The following SLC30A5 variants were observed in gnomAD, a reference collection of about 807,000 sequenced individuals.
The protein encoded by SLC30A5 is solute carrier family 30 member 5.
In SLC30A5, 33 loss-of-function variants were observed where a neutral mutation model predicts 79.6. The ratio of observed to expected loss-of-function variants is 0.41; its 90% CI spans 0.31 to 0.55. SLC30A5 has a LOEUF of 0.55. Ranked by LOEUF, SLC30A5 falls within the 20% of genes least tolerant of loss-of-function variation. SLC30A5 has a pLI of 0.20. For missense variants in SLC30A5, 788 were observed against 928.1 expected, an observed-to-expected ratio of 0.85 and a Z score of 1.96; for synonymous variants, 299 against 319.7, an observed-to-expected ratio of 0.94 and a Z score of 0.69.
chr5:69,115,167 ATC>A, intron 7 of SLC30A5, 68 bp from the exon 8 acceptor site: 41 of 743,810 alleles, frequency 5.5e-5, no homozygotes, highest in South Asian at 1.3e-4. Context: ...AAAAAAAAAG[ATC>A]ATGTATTTAA....
chr5:69,108,843 T>C (rs963861829), intron 5 of SLC30A5, among the ~76,000 whole-genome samples: 1 of 141,814 alleles, frequency 7.1e-6, no homozygotes, highest in African/African-American at 2.7e-5. Flanking sequence ...AAAAAAAAAA[T>C]TCCAGGGGCT....
chr5:69,111,291 CT>C (rs1210625429), intron 5 of SLC30A5, among the ~76,000 whole-genome samples: 4 of 146,472 alleles, frequency 2.7e-5, no homozygotes, highest in South Asian at 2.2e-4. Flanking sequence ...CACGCCCGGA[CT>C]TTTTTTTTCT....
chr5:69,117,183 C>T lies in SLC30A5; in HGVS notation c.1282-56C>T, dbSNP rs990477773. ...TTGGATAATTAAGGGTTAAAATCCT[C>T]CTAATTGAAACAGTGCCCAACATAC... On this transcript the variant is annotated intron_variant, in intron 10 of 15. Transcript: ENST00000396591. 4 of 1,435,454 alleles carry T rather than the reference C, an allele frequency of 2.8e-6. No homozygotes were observed. The African/African-American group carries it at 5.7e-5, about 20-fold the overall frequency. The allele number at this position is 1,435,454 out of a possible 1,614,324, so 88.9% of individuals were successfully genotyped here. A position where few individuals can be genotyped will look rare whatever the true frequency, so the allele number is the denominator to read the frequency against.
intron 14 of SLC30A5, among the ~76,000 whole-genome samples, chr5:69,126,431 C>T (rs1022315867): frequency 5.9e-5 from 9 of 152,090 alleles, no homozygotes; most frequent in Admixed American, 6.6e-5. Flanking sequence ...TGAGCCACCG[C>T]GCCTGGCCTA....
rs34215592 is a variant in SLC30A5, at chr5:69,116,221, A to AT, written c.1072+9dup. The AT allele has an allele frequency of 0.63, 983,247 of 1,556,340 alleles. 313,960 individuals are homozygous for AT. Among genetic ancestry groups the AT allele is most frequent in the East Asian group, 0.87 (38,242 of 44,008 alleles). The stretch of plus-strand genomic sequence containing the variant: ...GCTATATTCTTCATTTTGTGTAAGC[A>AT]TTCCCCCCTTTTTTTTATTTTAACA... On this transcript the variant is annotated splice_region_variant and intron_variant, in intron 9 of 15. Coordinates refer to ENST00000396591, the MANE Select transcript of SLC30A5 (RefSeq NM_022902.5). This position sits in a 1 kb window ranked among gnomAD's most constrained non-coding sequence, Gnocchi z 4.0.
rs1389113722 is a variant in SLC30A5 at position 69,129,511 on chromosome 5, A to G, written c.2192A>G (p.Tyr731Cys). ...NLTIQVEKEA[Y>C]FQHMSGLSTG... ...ACAATTCAAGTGGAAAAGGAGGCAT[A>G]CTTTCAACATATGTCTGGCCTAAGT... is the stretch of plus-strand genomic sequence containing the variant. The change falls in exon 16 of 16, where the codon TAC (tyrosine) becomes TGC (cysteine). Residue 731 changes from tyrosine to cysteine, a missense_variant. Tyr to Cys is a radical substitution (Grantham distance 194, BLOSUM62 -2). Transcript: ENST00000396591. 1.2e-6 allele frequency: 2 copies of G among 1,613,486 alleles called. No homozygotes were observed. Among genetic ancestry groups the G allele is most frequent in the Non-Finnish European group, 1.7e-6 (2 of 1,179,790 alleles).
intron 14 of SLC30A5, among the ~76,000 whole-genome samples, chr5:69,125,970 A>G (rs1746677749): frequency 1.3e-5 from 2 of 151,916 alleles, no homozygotes; most frequent in Admixed American, 6.6e-5. Flanking sequence ...AATCACTTCA[A>G]CCCAGGAGGC....
Position 69,129,589 on chromosome 5 carries a change from A to C in SLC30A5, c.2270A>C (p.Tyr757Ser), listed in dbSNP as rs1561301877. Residue 757 changes from tyrosine (Y) to serine (S), a missense_variant, in exon 16 of 16, where the codon TAC (tyrosine) becomes TCC (serine). This residue lies in a region of SLC30A5 where 158 missense variants were observed against 156.2 expected (regional missense o/e 1.01). Transcript: ENST00000396591. ...AMTKQMESMK[Y>S]CKDGTYIM Reference sequence around the variant, plus strand: ...ACAAAACAAATGGAATCCATGAAATACTGCAAAGATGGTACTTACATCATG... The same window carrying C: ...ACAAAACAAATGGAATCCATGAAATCCTGCAAAGATGGTACTTACATCATG... 6.2e-7 allele frequency: 1 copy of C among 1,613,086 alleles called. No homozygotes were observed. The highest frequency in any genetic ancestry group is 8.5e-7 in the Non-Finnish European group (1 of 1,179,636).
chr5:69,118,703 T>C, intron 12 of SLC30A5, 75 bp downstream of exon 12: 1 of 1,262,898 alleles, frequency 7.9e-7, no homozygotes, highest in East Asian at 2.7e-5. Flanking sequence ...GTTTAATTGT[T>C]TGCAGTTATT....
In SLC30A5 at chr5:69,128,026, T is replaced by C; in HGVS notation, c.2021T>C (p.Ile674Thr). 6.2e-7 allele frequency: 1 copy of C among 1,611,362 alleles called. No individual in the cohort carries two copies. The highest frequency in any genetic ancestry group is 1.7e-4 in the Middle Eastern group (1 of 6,042). The change falls in exon 15 of 16, where the codon ATA becomes ACA. Residue 674 changes from isoleucine (I) to threonine (T), a missense_variant. By Grantham distance (89) the Ile-to-Thr change is moderately conservative. Coordinates refer to ENST00000396591, the MANE Select transcript of SLC30A5 (RefSeq NM_022902.5). The stretch of plus-strand genomic sequence containing the variant: ...CAGATACAGAAAATTGAAGGATTAA[T>C]ATCATACCGAGACCCTCATTTTTGG... ...LEKIQKIEGL[I>T]SYRDPHFWRH...
At position 69,116,984 on chromosome 5, in the gene SLC30A5, C is replaced by T. The variant is rs899488178; in HGVS notation, c.1282-255C>T. ...TAACCTAGTTTATTATTTTTATAGA[C>T]ATATAAACAAAACCATTTTTAAATA... On this transcript the variant is annotated intron_variant, in intron 10 of 15. Coordinates refer to ENST00000396591, the MANE Select transcript of SLC30A5 (RefSeq NM_022902.5). This position sits in a 1 kb window ranked among gnomAD's most constrained non-coding sequence, Gnocchi z 4.0. 6.6e-6 allele frequency among the ~76,000 whole-genome samples: 1 copy of T among 152,238 alleles called. No homozygotes were observed. The highest frequency in any genetic ancestry group is 2.4e-5 in the African/African-American group (1 of 41,540).
At position 69,118,311 on chromosome 5, in the gene SLC30A5, G is replaced by GTA. The variant is rs1193400632; in HGVS notation, c.1440-176_1440-175dup. 4.4e-3 allele frequency: 702 copies of GTA among 158,632 alleles called. 17 individuals carry two copies. The highest frequency in any genetic ancestry group is 5.8e-3 in the Non-Finnish European group (467 of 80,822). The allele number at this position is 158,632 out of a possible 1,614,324, so 9.8% of individuals were successfully genotyped here. On this transcript the variant is annotated intron_variant, in intron 11 of 15. Coordinates refer to ENST00000396591, the MANE Select transcript of SLC30A5 (RefSeq NM_022902.5). ...TCATATATAACGTGTATATATATGT[G>GTA]TATATATATATATGTATATATATAT...
chr5:69,128,161 A>G lies in SLC30A5; in HGVS notation c.2127+29A>G, dbSNP rs554532787. The G allele has an allele frequency of 4.4e-5, 69 of 1,579,158 alleles. 1 individual carries two copies. In the South Asian group the frequency reaches 7.6e-4, roughly 17 times the overall value. The stretch of plus-strand genomic sequence containing the variant: ...ATCTTTTGTTTTTAAAGTAATTTTA[A>G]TTGAGGTCATTCATACCCAAAATTG... On this transcript the variant is annotated intron_variant, in intron 15 of 15. Coordinates refer to ENST00000396591, the MANE Select transcript of SLC30A5 (RefSeq NM_022902.5).
chr5:69,100,946 G>A lies in SLC30A5; in HGVS notation c.206+17G>A. ...AAAACTTGGGTGAGTGTGGGGGGGG[G>A]TTTTTTCTTGATATTTTTTATTTCT... On this transcript the variant is annotated intron_variant, in intron 2 of 15. Coordinates refer to ENST00000396591, the MANE Select transcript of SLC30A5 (RefSeq NM_022902.5). 1.5e-6 allele frequency: 2 copies of A among 1,355,816 alleles called. No homozygotes were observed. Among genetic ancestry groups the A allele is most frequent in the Admixed American group, 2.4e-5 (1 of 42,204 alleles). The allele number at this position is 1,355,816 out of a possible 1,614,324, so 84.0% of individuals were successfully genotyped here. A position where few individuals can be genotyped will look rare whatever the true frequency, so the allele number is the denominator to read the frequency against.
At chr5:69,127,387 G>A (rs954127413) in intron 14 of SLC30A5, among the ~76,000 whole-genome samples, 11 of 151,860 alleles carry the variant, frequency 7.2e-5, no homozygotes, top group South Asian at 2.1e-4. Context: ...CTAGCACTTC[G>A]GGAGGCTGAG....
chr5:69,129,302 A>G (rs1408146480), intron 15 of SLC30A5, 145 bp from the exon 16 acceptor site: 2 of 561,394 alleles, frequency 3.6e-6, no homozygotes, highest in Non-Finnish European at 5.8e-6. Flanking sequence ...TTGGCACTCA[A>G]AAAGTTTCAG....
chr5:69,104,051 C>A, intron 3 of SLC30A5: 1 of 1,556,782 alleles, frequency 6.4e-7, no homozygotes, highest in Non-Finnish European at 8.7e-7. Flanking sequence ...ACTGAGAAAT[C>A]ATAAAATTGT....
At position 69,115,268 on chromosome 5, in the gene SLC30A5, G is replaced by A. The variant is rs1392087535; in HGVS notation, c.644G>A (p.Cys215Tyr). 6.2e-7 allele frequency: 1 copy of A among 1,612,602 alleles called. No homozygotes were observed. Among genetic ancestry groups the A allele is most frequent in the Non-Finnish European group, 8.5e-7 (1 of 1,179,292 alleles). ...GTATTATTGCTAGTACTGGCTTTGT[G>A]TTGTAAAGTTGGTTTTCATACAGCT... ...GGVLLLVLALCCKVGFHTASR... is the reference protein window; with the variant it reads ...GGVLLLVLALYCKVGFHTASR... The change falls in exon 8 of 16, where the codon TGT becomes TAT. Residue 215 changes from cysteine to tyrosine, a missense_variant. Transcript: ENST00000396591.
intron 2 of SLC30A5, among the ~76,000 whole-genome samples, chr5:69,101,568 C>G (rs1253122425): frequency 6.6e-6 from 1 of 151,808 alleles, no homozygotes; most frequent in Non-Finnish European, 1.5e-5. Flanking sequence ...TGAGCCACCA[C>G]GCCTGGCCTA....
Sources: allele counts gnomAD v4.1 joint callset (sites outside exome capture counted in the v4.1 genomes callset), GRCh38; gene constraint gnomAD v4.1.1; regional missense constraint gnomAD v4.1.1; non-coding constraint Gnocchi (gnomAD v3.1); transcripts MANE v1.5; gene names NCBI Gene and HGNC (gene_info 2026-07-23, HGNC 2026-07-21).